The following PAFAH2 variants were observed in gnomAD, a reference collection of about 807,000 sequenced individuals.
PAFAH2 encodes the protein platelet activating factor acetylhydrolase 2, also known as platelet-activating factor acetylhydrolase 2, cytoplasmic.
PAFAH2 carries 42 observed loss-of-function variants against 49.0 expected under a neutral mutation model. That is an observed-to-expected ratio of 0.86 (90% CI 0.67 to 1.11). PAFAH2 has a LOEUF of 1.11. Among genes scored for constraint, PAFAH2 ranks in the 50% least tolerant of loss-of-function variants. The pLI is 0.00. For missense variants in PAFAH2, 503 were observed against 501.8 expected (o/e 1.00, Z -0.02); for synonymous variants, 184 against 181.3 (o/e 1.01, Z -0.12).
intron 7 of PAFAH2, among the ~76,000 whole-genome samples, chr1:25,978,168 C>T (rs1037719612): frequency 1.7e-4 from 26 of 151,978 alleles, no homozygotes; most frequent in Non-Finnish European, 3.5e-4. Context: ...TCAGTACCCT[C>T]GGATCAGCAT....
At chr1:25,993,491 C>T (rs944139363) in intron 1 of PAFAH2, among the ~76,000 whole-genome samples, 1 of 152,202 alleles carries the variant, frequency 6.6e-6, no homozygotes, top group Non-Finnish European at 1.5e-5. Flanking sequence ...ACACAGTCTC[C>T]TGGTTGTCAG....
chr1:25,983,138 T>C (rs298448), intron 6 of PAFAH2, among the ~76,000 whole-genome samples: 121,590 of 151,996 alleles, frequency 0.8, 49,347 homozygotes, highest in East Asian at 0.92. Context: ...CACCTATATC[T>C]CCAGCACTTT....
intron 4 of PAFAH2, among the ~76,000 whole-genome samples, chr1:25,984,782 T>A (rs926172568): frequency 2.0e-5 from 3 of 152,098 alleles, no homozygotes; most frequent in Non-Finnish European, 2.9e-5. Flanking sequence ...CTTAAGTTCC[T>A]TTTCACCTTC....
intron 8 of PAFAH2, among the ~76,000 whole-genome samples, chr1:25,976,132 T>C (rs888667907): frequency 2.6e-5 from 4 of 152,140 alleles, no homozygotes; most frequent in African/African-American, 9.7e-5. Context: ...CAGAGACATA[T>C]CAGCCTGTTT....
intron 1 of PAFAH2, 122 bp downstream of exon 1, chr1:25,997,903 A>C (rs1321470081): frequency 6.6e-6 from 1 of 152,234 alleles, no homozygotes; most frequent in Non-Finnish European, 1.5e-5. Flanking sequence ...GGAAACGTAA[A>C]GGACGAAGAT....
chr1:25,992,287 T>TTA (rs2049886579), intron 1 of PAFAH2, among the ~76,000 whole-genome samples: 1 of 152,044 alleles, frequency 6.6e-6, no homozygotes, highest in Non-Finnish European at 1.5e-5. Context: ...ATGAGGAAGT[T>TTA]GAGAGGCAGG....
At chr1:25,963,971 G>A (rs1192502509) in intron 10 of PAFAH2, among the ~76,000 whole-genome samples, 5 of 152,184 alleles carry the variant, frequency 3.3e-5, no homozygotes, top group East Asian at 1.9e-4. Context: ...TGGCGCGTTC[G>A]AGGCTCATGT....
In PAFAH2 at chr1:25,988,212, G is replaced by C. The variant is rs142513887; in HGVS notation, c.341+19C>G. ...CCAGGCAAGGAGTATGGCAAGGTCT[G>C]GGGGAAAGAAGCTCTTACCTGAAGG... On this transcript the variant is annotated intron_variant, in intron 4 of 10. Coordinates refer to ENST00000374282, the MANE Select transcript of PAFAH2 (RefSeq NM_000437.4). 3.4e-4 allele frequency: 513 copies of C among 1,528,782 alleles called. 1 individual carries two copies. The African/African-American group carries it at 6.0e-3, about 18-fold the overall frequency. The allele number at this position is 1,528,782 out of a possible 1,614,324, so 94.7% of individuals were successfully genotyped here. A position where few individuals can be genotyped will look rare whatever the true frequency, so the allele number is the denominator to read the frequency against.
intron 4 of PAFAH2, among the ~76,000 whole-genome samples, chr1:25,985,320 GGTATTTAACT>G (rs2049766365): frequency 1.3e-5 from 2 of 152,156 alleles, no homozygotes; most frequent in Non-Finnish European, 2.9e-5. Flanking sequence ...AGAATGGTTA[GGTATTTAACT>G]GCACATATTC....
chr1:25,980,915 G>A (rs1557522808), intron 7 of PAFAH2, among the ~76,000 whole-genome samples: 2 of 151,860 alleles, frequency 1.3e-5, no homozygotes, highest in African/African-American at 4.8e-5. Flanking sequence ...TACTTGGGAG[G>A]CTGAGGTAGC....
chr1:25,983,782 T>C (rs569909355), intron 6 of PAFAH2, among the ~76,000 whole-genome samples, 164 bp downstream of exon 6: 3 of 152,314 alleles, frequency 2.0e-5, no homozygotes, highest in African/African-American at 7.2e-5. Context: ...TCACAGCAAT[T>C]GCAAGAGTCC....
At chr1:25,992,619 T>G (rs2049891491) in intron 1 of PAFAH2, among the ~76,000 whole-genome samples, 1 of 152,240 alleles carries the variant, frequency 6.6e-6, no homozygotes, top group South Asian at 2.1e-4. Flanking sequence ...TATCTCATTT[T>G]ACAGATGAGG....
chr1:25,988,192 CA>C, intron 4 of PAFAH2, 38 bp downstream of exon 4: 1 of 1,328,840 alleles, frequency 7.5e-7, no homozygotes, highest in Non-Finnish European at 1.0e-6. Context: ...TGTCACCAGG[CA>C]AGGAGTATGG....
chr1:25,996,394 C>T (rs913654941), intron 1 of PAFAH2, among the ~76,000 whole-genome samples: 3 of 151,512 alleles, frequency 2.0e-5, no homozygotes, highest in Non-Finnish European at 4.4e-5. Context: ...GGGCCGGGCG[C>T]GGTGGGAGGC....
At chr1:25,969,903 G>T (rs191047617) in intron 10 of PAFAH2, among the ~76,000 whole-genome samples, 2 of 152,120 alleles carry the variant, frequency 1.3e-5, no homozygotes, top group African/African-American at 4.8e-5. Flanking sequence ...CTTGAGACAT[G>T]GGTCCATTCC....
chr1:25,995,658 T>A (rs1355979080), intron 1 of PAFAH2, among the ~76,000 whole-genome samples: 1 of 152,222 alleles, frequency 6.6e-6, no homozygotes, highest in Non-Finnish European at 1.5e-5. Context: ...CCCAGAAGCA[T>A]GTTCCTATCA....
intron 9 of PAFAH2, 98 bp downstream of exon 9, chr1:25,974,382 T>C: frequency 2.0e-6 from 2 of 988,332 alleles, no homozygotes; most frequent in South Asian, 2.0e-5. Context: ...GGTATCCTAC[T>C]AATGGGTAGA....
At chr1:25,991,392 G>C in intron 1 of PAFAH2, among the ~76,000 whole-genome samples, 1 of 151,998 alleles carries the variant, frequency 6.6e-6, no homozygotes, top group Admixed American at 6.5e-5. Flanking sequence ...CGATTCTCCT[G>C]CCTCAGCCTC....
At chr1:25,965,426 C>T (rs765504536) in intron 10 of PAFAH2, among the ~76,000 whole-genome samples, 5 of 152,026 alleles carry the variant, frequency 3.3e-5, no homozygotes, top group African/African-American at 7.2e-5. Context: ...AGCTTATGTA[C>T]CACAAAAGAA....
Sources: gnomAD v4.1 joint callset for allele counts (sites outside exome capture counted in the v4.1 genomes callset) on GRCh38, gnomAD v4.1.1 for gene constraint, MANE v1.5 for transcripts, NCBI Gene and HGNC (gene_info 2026-07-23, HGNC 2026-07-21) for gene names.